The following DLGAP1 variants were observed in gnomAD, a reference collection of about 807,000 sequenced individuals.
DLGAP1 encodes the protein disks large-associated protein 1.
Under a neutral mutation model 90.8 loss-of-function variants are expected in DLGAP1, and 11 were observed. The observed-to-expected ratio is 0.12, with a 90% CI of 0.08 to 0.20. DLGAP1 has a LOEUF of 0.20. DLGAP1 is among the 10% of genes least tolerant of loss of function. The pLI, the probability that DLGAP1 is intolerant of heterozygous loss-of-function variation, is 1.00. For missense variants in DLGAP1, 1,050 were observed against 1,333.8 expected (o/e 0.79, Z 3.31); for synonymous variants, 558 against 540.7 (o/e 1.03, Z -0.44).
At chr18:4,086,888 A>T (rs2075689075) in intron 2 of DLGAP1, among the ~76,000 whole-genome samples, 1 of 151,056 alleles carries the variant, frequency 6.6e-6, no homozygotes, top group Admixed American at 6.6e-5. Context: ...ATAATTGTGG[A>T]TTTGTTTATA....
At chr18:3,623,712 G>C (rs527838244) in intron 7 of DLGAP1, among the ~76,000 whole-genome samples, 2 of 148,090 alleles carry the variant, frequency 1.4e-5, no homozygotes, top group African/African-American at 5.0e-5. Flanking sequence ...GGGAGGCGGA[G>C]CTTGCAGTGA....
chr18:3,739,710 G>A (rs886553114), intron 6 of DLGAP1, among the ~76,000 whole-genome samples: 1 of 152,010 alleles, frequency 6.6e-6, no homozygotes, highest in Non-Finnish European at 1.5e-5. Context: ...GCACCAGTGC[G>A]GCACATGTAT....
chr18:3,951,050 C>T (rs1192604434), intron 3 of DLGAP1, among the ~76,000 whole-genome samples: 1 of 152,160 alleles, frequency 6.6e-6, no homozygotes, highest in African/African-American at 2.4e-5. Context: ...TCTGCACTTC[C>T]TATTTAAAAA....
chr18:4,360,453 CTCACGAAAGTGA>C (rs1234005913), intron 1 of DLGAP1, among the ~76,000 whole-genome samples: 1 of 152,100 alleles, frequency 6.6e-6, no homozygotes, highest in Non-Finnish European at 1.5e-5. Context: ...AAAGGTGGAA[CTCACGAAAGTGA>C]AAGTGAAGAC....
intron 4 of DLGAP1, among the ~76,000 whole-genome samples, chr18:3,848,692 T>A (rs966337514): frequency 6.6e-6 from 1 of 152,086 alleles, no homozygotes; most frequent in Non-Finnish European, 1.5e-5. Context: ...GACACTTCCC[T>A]CTCCTGCCAT....
intron 5 of DLGAP1, among the ~76,000 whole-genome samples, chr18:3,807,079 C>T (rs1226036820): frequency 1.3e-5 from 2 of 152,204 alleles, no homozygotes; most frequent in African/African-American, 4.8e-5. Context: ...TTTCCTGCAC[C>T]TGAGGCTAAG....
intron 7 of DLGAP1, among the ~76,000 whole-genome samples, chr18:3,681,816 G>C (rs1181440576): frequency 3.9e-5 from 6 of 152,034 alleles, no homozygotes; most frequent in Admixed American, 2.0e-4. Context: ...GAGTGAATTC[G>C]TGTGAGATCT....
intron 1 of DLGAP1, among the ~76,000 whole-genome samples, chr18:4,316,679 T>G (rs1234840714): frequency 6.6e-6 from 1 of 152,186 alleles, no homozygotes; most frequent in Non-Finnish European, 1.5e-5. Flanking sequence ...TGCAGCCATA[T>G]CCTGACTATG....
intron 1 of DLGAP1, among the ~76,000 whole-genome samples, chr18:4,239,090 A>G (rs1418002158): frequency 6.6e-6 from 1 of 152,198 alleles, no homozygotes; most frequent in African/African-American, 2.4e-5. Context: ...AACTTCAGAG[A>G]GTGCTGTTGG....
intron 7 of DLGAP1, among the ~76,000 whole-genome samples, chr18:3,609,492 C>T (rs527392421): frequency 2.0e-5 from 3 of 152,322 alleles, no homozygotes; most frequent in East Asian, 1.9e-4. Context: ...TTCTTCCACA[C>T]GCTAGAAAAG....
intron 3 of DLGAP1, among the ~76,000 whole-genome samples, chr18:3,990,628 TATAATAATAATAATA>T (rs77930009): frequency 4.2e-5 from 6 of 143,262 alleles, no homozygotes; most frequent in East Asian, 2.0e-4. Context: ...AAACTTAAAA[TATAATAATAATAATA>T]ATAATAATAA....
intron 1 of DLGAP1, among the ~76,000 whole-genome samples, chr18:4,387,210 C>G (rs1487380243): frequency 2.0e-5 from 3 of 152,098 alleles, no homozygotes; most frequent in Non-Finnish European, 4.4e-5. Context: ...AGTCAAGAGG[C>G]ATTTATTAAG....
chr18:3,751,385 C>A (rs2063486859), intron 5 of DLGAP1, among the ~76,000 whole-genome samples: 1 of 152,032 alleles, frequency 6.6e-6, no homozygotes, highest in Non-Finnish European at 1.5e-5. Flanking sequence ...AGGCCTCGAA[C>A]TCCTGGGCTC....
intron 2 of DLGAP1, among the ~76,000 whole-genome samples, chr18:4,030,237 C>T (rs932386080): frequency 6.6e-6 from 1 of 152,170 alleles, no homozygotes; most frequent in Non-Finnish European, 1.5e-5. Context: ...GTGTTCCACC[C>T]GCCTTAGCCC....
intron 7 of DLGAP1, among the ~76,000 whole-genome samples, chr18:3,693,445 C>G (rs1403297256): frequency 6.6e-6 from 1 of 152,220 alleles, no homozygotes; most frequent in Non-Finnish European, 1.5e-5. Context: ...GTACACTAAT[C>G]TGCATGTTGA....
Position 4,283,017 on chromosome 18 carries a change from C to T in DLGAP1, c.-266-131730G>A, listed in dbSNP as rs78677961. 2.7e-3 allele frequency among the ~76,000 whole-genome samples: 416 copies of T among 152,040 alleles called. 1 individual carries two copies. The highest frequency in any genetic ancestry group is 9.7e-3 in the African/African-American group (401 of 41,386). On this transcript the variant is annotated intron_variant, in intron 1 of 12. Transcript: ENST00000315677. The stretch of plus-strand genomic sequence containing the variant: ...GGGGAAAACTTGTTTTGACATTATG[C>T]CGTATGAAAAATGACAAAATGAATG...
intron 10 of DLGAP1, among the ~76,000 whole-genome samples, chr18:3,525,359 A>T (rs1264034168): frequency 6.6e-6 from 1 of 152,156 alleles, no homozygotes; most frequent in Non-Finnish European, 1.5e-5. Flanking sequence ...AATGAAAAAA[A>T]CTGTATATTT....
intron 2 of DLGAP1, among the ~76,000 whole-genome samples, chr18:4,119,929 CTG>C (rs2076126547): frequency 6.6e-6 from 1 of 152,022 alleles, no homozygotes; most frequent in Non-Finnish European, 1.5e-5. Context: ...GATACAATGA[CTG>C]AATTTTAAGT....
chr18:3,632,890 AC>A (rs1373224335), intron 7 of DLGAP1, among the ~76,000 whole-genome samples: 1 of 152,148 alleles, frequency 6.6e-6, no homozygotes. Context: ...TGAATGGATA[AC>A]CCCCAATTTT....
Sources: allele counts gnomAD v4.1 joint callset (sites outside exome capture counted in the v4.1 genomes callset), GRCh38; gene constraint gnomAD v4.1.1; transcripts MANE v1.5; gene names NCBI Gene and HGNC (gene_info 2026-07-23, HGNC 2026-07-21).